Variants in TGFBRAP1 observed in about 807,000 individuals in gnomAD.
TGFBRAP1 encodes transforming growth factor-beta receptor-associated protein 1.
In TGFBRAP1, 20 loss-of-function variants were observed where a neutral mutation model predicts 83.2. The ratio of observed to expected loss-of-function variants is 0.24; its 90% CI spans 0.17 to 0.35. The LOEUF (loss-of-function observed/expected upper bound fraction) is 0.35. TGFBRAP1 is among the 10% of genes least tolerant of loss of function. The pLI is 1.00. For synonymous variants in TGFBRAP1, 415 were observed against 459.8 expected (o/e 0.90, Z 1.25); for missense variants, 950 against 1,099.4 (o/e 0.86, Z 1.92).
downstream of TGFBRAP1, among the ~76,000 whole-genome samples, chr2:105,261,482 T>C (rs531874732): frequency 5.3e-5 from 8 of 152,286 alleles, 1 homozygote; most frequent in South Asian, 1.5e-3. Context: ...CCGGGCACAG[T>C]GGCTCAAGCC....
In TGFBRAP1 at chr2:105,298,581, G is replaced by A. The variant is rs1436273274; in HGVS notation, c.813C>T (p.His271=). 3.7e-6 allele frequency: 6 copies of A among 1,614,006 alleles called. No homozygotes were observed. In the African/African-American group the frequency reaches 6.7e-5, roughly 18 times the overall value. The change falls in exon 3 of 12, where the codon CAC becomes CAT. Residue 271 remains histidine, a synonymous_variant. Transcript: ENST00000393359. ...GCTTCTGTTGCTGATCCAACATGCT[G>A]TGGACTGTGATGAATTCGTCATCGA... ...IALDDEFITV[H]SMLDQQQKQT...
intron 4 of TGFBRAP1, among the ~76,000 whole-genome samples, chr2:105,295,747 G>GT: frequency 6.7e-6 from 1 of 148,354 alleles, no homozygotes; most frequent in South Asian, 2.1e-4. Context: ...GGAGGCAGAG[G>GT]TTGCAGTGAG....
At chr2:105,281,624 A>T (rs978901189) in intron 5 of TGFBRAP1, among the ~76,000 whole-genome samples, 1 of 152,126 alleles carries the variant, frequency 6.6e-6, no homozygotes, top group Non-Finnish European at 1.5e-5. Context: ...GATAAATTTC[A>T]AATCTCTTAG....
chr2:105,294,559 A>AAC (rs1164001917), intron 4 of TGFBRAP1, among the ~76,000 whole-genome samples: 1 of 152,230 alleles, frequency 6.6e-6, no homozygotes, highest in African/African-American at 2.4e-5. Flanking sequence ...TACCAGCAGT[A>AAC]ACAGTGGGAA....
At chr2:105,287,204 G>T (rs1489440648) in intron 4 of TGFBRAP1, among the ~76,000 whole-genome samples, 1 of 151,766 alleles carries the variant, frequency 6.6e-6, no homozygotes, top group Non-Finnish European at 1.5e-5. Flanking sequence ...GGGGTGTAGG[G>T]TGGGGAGGTG....
chr2:105,260,254 CA>C (rs1220611713), downstream of TGFBRAP1, among the ~76,000 whole-genome samples: 7 of 151,990 alleles, frequency 4.6e-5, no homozygotes, highest in African/African-American at 7.2e-5. Flanking sequence ...ACCACAAATA[CA>C]AAAAATTAGC....
intron 2 of TGFBRAP1, 128 bp from the exon 3 acceptor site, chr2:105,298,833 G>A (rs1313126595): frequency 1.1e-5 from 9 of 838,940 alleles, no homozygotes; most frequent in African/African-American, 1.7e-5. Context: ...ATATTTCAAG[G>A]AAGGAAAAAC....
intron 2 of TGFBRAP1, among the ~76,000 whole-genome samples, chr2:105,306,702 G>T (rs6727338): frequency 0.013 from 1,925 of 152,206 alleles, 53 homozygotes; most frequent in African/African-American, 0.045. Flanking sequence ...GAAGGTTGAG[G>T]CAGGGAGAAT....
At position 105,275,597 on chromosome 2, in the gene TGFBRAP1, C is replaced by T. The variant is rs776673960; in HGVS notation, c.1628G>A (p.Trp543Ter). Residue 543 changes from tryptophan to a stop codon, truncating the protein, a stop_gained, in exon 8 of 12, where the codon TGG (tryptophan) becomes TAG (stop). Transcript: ENST00000393359. LOFTEE classifies it high-confidence loss of function. ...LTYCLDEELVWAYADWVLQKS... is the reference protein window; with the variant it reads ...LTYCLDEELV Reference sequence around the variant, plus strand: ...CTGCAGGACCCAATCAGCATAGGCCCACACTAGTTCCTCGTCTAAGCAGTA... The same window carrying T: ...CTGCAGGACCCAATCAGCATAGGCCTACACTAGTTCCTCGTCTAAGCAGTA... The T allele has an allele frequency of 1.2e-6, 2 of 1,614,164 alleles. No homozygotes were observed. Among genetic ancestry groups the T allele is most frequent in the Non-Finnish European group, 1.7e-6 (2 of 1,180,044 alleles).
At position 105,269,188 on chromosome 2, in the gene TGFBRAP1, C is replaced by T. The variant is rs1050756634; in HGVS notation, c.2406+84G>A. The T allele has an allele frequency of 7.0e-7, 1 of 1,432,962 alleles. No individual in the cohort carries two copies. The highest frequency in any genetic ancestry group is 1.5e-5 in the South Asian group (1 of 67,204). 88.8% of individuals were successfully genotyped at this position (1,432,962 alleles called of 1,614,324 possible). ...TAGAGACAGAAAAAAGAAAAACCAACAAAGACTATTTTTCCATCAGTAAAA... is the reference window on the plus strand; with the variant it reads ...TAGAGACAGAAAAAAGAAAAACCAATAAAGACTATTTTTCCATCAGTAAAA... On this transcript the variant is annotated intron_variant, in intron 11 of 11. Coordinates refer to ENST00000393359, the MANE Select transcript of TGFBRAP1 (RefSeq NM_004257.6). This position sits in a 1 kb window ranked among gnomAD's most constrained non-coding sequence, Gnocchi z 4.1.
intron 1 of TGFBRAP1, among the ~76,000 whole-genome samples, chr2:105,314,144 C>T (rs1678777756): frequency 6.6e-6 from 1 of 151,896 alleles, no homozygotes; most frequent in South Asian, 2.1e-4. Context: ...GATCTATAAG[C>T]TAAGGAATGT....
the TGFBRAP1 span, among the ~76,000 whole-genome samples, chr2:105,255,144 A>G: frequency 6.8e-6 from 1 of 147,732 alleles, no homozygotes; most frequent in Non-Finnish European, 1.5e-5. Context: ...GCAGAATACA[A>G]TTTCAGCTGT....
At chr2:105,250,468 T>A in the TGFBRAP1 span, among the ~76,000 whole-genome samples, 1,854 of 152,286 alleles carry the variant, frequency 0.012, 29 homozygotes, top group African/African-American at 0.041. Flanking sequence ...AAAGTCCTGC[T>A]GTTCTTTATT....
intron 5 of TGFBRAP1, among the ~76,000 whole-genome samples, chr2:105,283,198 G>A (rs1677602406): frequency 6.6e-6 from 1 of 152,220 alleles, no homozygotes; most frequent in South Asian, 2.1e-4. Context: ...ACAGAGAACA[G>A]CATGTAAGAG....
chr2:105,304,227 T>C (rs1678408681), intron 2 of TGFBRAP1, among the ~76,000 whole-genome samples: 1 of 152,190 alleles, frequency 6.6e-6, no homozygotes, highest in Non-Finnish European at 1.5e-5. Context: ...TGAAATGCTA[T>C]GATGTCTGGG....
At chr2:105,294,245 CTT>C (rs1307426805) in intron 4 of TGFBRAP1, among the ~76,000 whole-genome samples, 3 of 152,006 alleles carry the variant, frequency 2.0e-5, no homozygotes, top group Admixed American at 6.6e-5. Flanking sequence ...TGTTTGTTCT[CTT>C]TGTCTTCCAC....
the TGFBRAP1 span, among the ~76,000 whole-genome samples, chr2:105,256,190 T>C: frequency 2.6e-5 from 4 of 152,214 alleles, no homozygotes; most frequent in Admixed American, 6.5e-5. Context: ...AGTGGCTCTC[T>C]TGGGTGGTAG....
chr2:105,315,256 A>AC (rs1320019530), intron 1 of TGFBRAP1, among the ~76,000 whole-genome samples: 22 of 152,186 alleles, frequency 1.4e-4, no homozygotes, highest in African/African-American at 4.6e-4. Flanking sequence ...GTCATCTTAG[A>AC]AGGCTTTTCT....
the TGFBRAP1 span, among the ~76,000 whole-genome samples, chr2:105,253,385 G>A: frequency 7.2e-5 from 11 of 151,894 alleles, no homozygotes; most frequent in Admixed American, 2.6e-4. Context: ...CGCCTGCCTC[G>A]GCCTCTCAAA....
Sources: gnomAD v4.1 joint callset for allele counts (sites outside exome capture counted in the v4.1 genomes callset) on GRCh38, gnomAD v4.1.1 for gene constraint, Gnocchi (gnomAD v3.1) non-coding constraint, MANE v1.5 for transcripts, NCBI Gene and HGNC (gene_info 2026-07-23, HGNC 2026-07-21) for gene names.